PCDHGA1: variants seen among roughly 807,000 people sequenced by gnomAD.
PCDHGA1 encodes protocadherin gamma-A1.
A neutral mutation model predicts 58.0 loss-of-function variants in PCDHGA1; 32 were observed. The observed-to-expected ratio is 0.55, with a 90% confidence interval of 0.42 to 0.74. PCDHGA1 has a LOEUF of 0.74. PCDHGA1 is among the 30% of genes least tolerant of loss of function. The pLI, the probability that PCDHGA1 is intolerant of heterozygous loss-of-function variation, is 0.00. For missense variants in PCDHGA1, 1,205 were observed against 1,182.3 expected (o/e 1.02, Z -0.28); for synonymous variants, 498 against 501.1 (o/e 0.99, Z 0.08).
chr5:141,359,651 G>A (rs1761279530), intron 1 of PCDHGA1, among the ~76,000 whole-genome samples: 1 of 152,024 alleles, frequency 6.6e-6, no homozygotes, highest in Non-Finnish European at 1.5e-5. Flanking sequence ...GAAGGAGACA[G>A]AATATTTATA....
At position 141,331,377 on chromosome 5, in the gene PCDHGA1, G is replaced by T; in HGVS notation, c.693G>T (p.Gln231His). 6.2e-7 allele frequency: 1 copy of T among 1,614,152 alleles called. No homozygotes were observed. Among genetic ancestry groups the T allele is most frequent in the African/African-American group, 1.3e-5 (1 of 75,024 alleles). Reference sequence around the variant, plus strand: ...CAGGGACCCTCAGAATTTACATTCAGGTGGTGGATGCAAATGACAATCCTC... The same window carrying T: ...CAGGGACCCTCAGAATTTACATTCATGTGGTGGATGCAAATGACAATCCTC... ...VRSGTLRIYIQVVDANDNPPA... is the reference protein window; with the variant it reads ...VRSGTLRIYIHVVDANDNPPA... Residue 231 changes from glutamine (Q) to histidine (H), a missense_variant, in exon 1 of 4, where the codon CAG becomes CAT. Transcript: ENST00000517417.
rs140609729 is a variant in PCDHGA1 at position 141,372,233 on chromosome 5, G to A, written c.2421+39128G>A. On this transcript the variant is annotated intron_variant, in intron 1 of 3. Coordinates refer to ENST00000517417, the MANE Select transcript of PCDHGA1 (RefSeq NM_018912.3). ...CCTACCACATTGTGCAGGCCAGCGA[G>A]CCCGGGCTGTTCAGCCTGGGCCTGC... 2,947 of 1,613,368 alleles carry A rather than the reference G, an allele frequency of 1.8e-3. 7 individuals carry two copies. The highest frequency in any genetic ancestry group is 2.3e-3 in the Non-Finnish European group (2,745 of 1,179,836).
At position 141,511,112 on chromosome 5, in the gene PCDHGA1, G is replaced by A. The variant is rs767257788; in HGVS notation, c.2735G>A (p.Gly912Asp). The change falls in exon 4 of 4, where the codon GGC (glycine) becomes GAC (aspartate). Residue 912 changes from glycine (G) to aspartate (D), a missense_variant. Transcript: ENST00000517417. ...ACCAACGCAGCTGGCAAGCGGGATGGCAAGGCCCCAGCAGGTGGCAATGGC... is the reference window on the plus strand; with the variant it reads ...ACCAACGCAGCTGGCAAGCGGGATGACAAGGCCCCAGCAGGTGGCAATGGC... The part of the protein sequence containing the change: ...TLTNAAGKRD[G>D]KAPAGGNGNK... 1 of 1,614,232 alleles carries A rather than the reference G, an allele frequency of 6.2e-7. No individual in the cohort carries two copies.
At chr5:141,364,743 T>C in intron 1 of PCDHGA1, 1 of 1,613,916 alleles carries the variant, frequency 6.2e-7, no homozygotes, top group Non-Finnish European at 8.5e-7. Flanking sequence ...GATGAAGAGT[T>C]AAAAGTAAAA....
chr5:141,452,968 A>G (rs1028716079), intron 1 of PCDHGA1, among the ~76,000 whole-genome samples: 3 of 152,210 alleles, frequency 2.0e-5, no homozygotes, highest in Non-Finnish European at 4.4e-5. Flanking sequence ...AACTGAGGGT[A>G]TATTGTCAAA....
At position 141,491,942 on chromosome 5, in the gene PCDHGA1, C is replaced by T. The variant is rs932715298; in HGVS notation, c.2422-2865C>T. 6.4e-5 allele frequency: 72 copies of T among 1,122,376 alleles called. No individual in the cohort carries two copies. Among genetic ancestry groups the T allele is most frequent in the Admixed American group, 3.5e-5 (1 of 28,738 alleles). 69.5% of individuals were successfully genotyped at this position (1,122,376 alleles called of 1,614,324 possible). A position where few individuals can be genotyped will look rare whatever the true frequency, so the allele number is the denominator to read the frequency against. ...GGCGAGGGGAGGTGGGACCGACCCC[C>T]ACCCCTACACTCAAAAAAGGCCGGG... is the stretch of plus-strand genomic sequence containing the variant. On this transcript the variant is annotated intron_variant, in intron 1 of 3. Transcript: ENST00000517417. The surrounding 1 kb of genome is among the most constrained non-coding windows in gnomAD (Gnocchi z 6.9).
intron 1 of PCDHGA1, chr5:141,468,682 C>A (rs377685711): frequency 4.6e-5 from 7 of 151,296 alleles, no homozygotes; most frequent in African/African-American, 1.7e-4. Context: ...CTGGCTAACA[C>A]GGTGAAACCC....
chr5:141,338,537 G>A (rs1756760838), intron 1 of PCDHGA1, among the ~76,000 whole-genome samples: 1 of 152,196 alleles, frequency 6.6e-6, no homozygotes, highest in Non-Finnish European at 1.5e-5. Context: ...TCAAGATCAT[G>A]TTCATTTATA....
At chr5:141,417,832 G>C in intron 1 of PCDHGA1, 1 of 1,528,846 alleles carries the variant, frequency 6.5e-7, no homozygotes. Flanking sequence ...CTGGAAAAGC[G>C]GGGACCCAGC....
chr5:141,419,012 A>C (rs1422133011), intron 1 of PCDHGA1: 1 of 1,613,986 alleles, frequency 6.2e-7, no homozygotes. Context: ...AGTCAGGTGT[A>C]GCTTAAGTAG....
intron 1 of PCDHGA1, chr5:141,357,093 C>T: frequency 1.2e-6 from 2 of 1,613,876 alleles, no homozygotes; most frequent in Non-Finnish European, 8.5e-7. Flanking sequence ...CCGCACGGGC[C>T]CTGCTGGACA....
chr5:141,388,936 C>A, intron 1 of PCDHGA1: 4 of 1,613,926 alleles, frequency 2.5e-6, no homozygotes, highest in Non-Finnish European at 3.4e-6. Context: ...CAGTCTCTAC[C>A]CAACCTAATT....
chr5:141,356,954 G>A, intron 1 of PCDHGA1: 1 of 1,614,216 alleles, frequency 6.2e-7, no homozygotes, highest in Non-Finnish European at 8.5e-7. Flanking sequence ...GCAGATTCCG[G>A]CTACCTGGTG....
chr5:141,339,357 A>G (rs758863582), intron 1 of PCDHGA1: 4 of 1,614,140 alleles, frequency 2.5e-6, no homozygotes, highest in Non-Finnish European at 3.4e-6. Flanking sequence ...ATTAACGATA[A>G]TGCCCCTCGC....
In PCDHGA1 at chr5:141,491,867, T is replaced by A. The variant is rs1424221139; in HGVS notation, c.2422-2940T>A. On this transcript the variant is annotated intron_variant, in intron 1 of 3. Transcript: ENST00000517417. The surrounding 1 kb of genome is among the most constrained non-coding windows in gnomAD (Gnocchi z 6.9). ...TTGGACCGTTTGCGCGAAACCAGAG[T>A]GGCCGATTAAGGGATGGGGCTCCGA... 6.9e-7 allele frequency: 1 copy of A among 1,452,218 alleles called. No homozygotes were observed. The highest frequency in any genetic ancestry group is 9.1e-7 in the Non-Finnish European group (1 of 1,099,056). The allele number at this position is 1,452,218 out of a possible 1,614,324, so 90.0% of individuals were successfully genotyped here. A position where few individuals can be genotyped will look rare whatever the true frequency, so the allele number is the denominator to read the frequency against.
At chr5:141,360,409 C>A (rs890064560) in intron 1 of PCDHGA1, 2 of 1,613,722 alleles carry the variant, frequency 1.2e-6, no homozygotes, top group Non-Finnish European at 1.7e-6. Context: ...CAGAATAGAC[C>A]GAGAACAGAT....
At position 141,332,834 on chromosome 5, in the gene PCDHGA1, G is replaced by C. The variant is rs777400820; in HGVS notation, c.2150G>C (p.Arg717Pro). ...FVIVLLAHRL[R>P]RWHKSRLLQA... ...ATCGTGCTGCTGGCGCACAGGCTGC[G>C]GCGCTGGCACAAGTCACGTCTGCTA... The change falls in exon 1 of 4, where the codon CGG (arginine) becomes CCG (proline). Residue 717 changes from arginine (R) to proline (P), a missense_variant. Transcript: ENST00000517417. The surrounding 1 kb of genome is among the most constrained non-coding windows in gnomAD (Gnocchi z 4.6). 2.5e-6 allele frequency: 4 copies of C among 1,614,224 alleles called. No homozygotes were observed. Among genetic ancestry groups the C allele is most frequent in the Non-Finnish European group, 3.4e-6 (4 of 1,180,052 alleles).
intron 1 of PCDHGA1, chr5:141,413,265 T>A (rs1301684620): frequency 6.2e-7 from 1 of 1,613,840 alleles, no homozygotes; most frequent in African/African-American, 1.3e-5. Context: ...CATGGGAGGC[T>A]GGAGCCCGGC....
chr5:141,413,842 G>C, intron 1 of PCDHGA1: 1 of 1,613,294 alleles, frequency 6.2e-7, no homozygotes, highest in Non-Finnish European at 8.5e-7. Flanking sequence ...CGACGGGGGT[G>C]ACCCTCTCCG....
Sources: allele counts gnomAD v4.1 joint callset (sites outside exome capture counted in the v4.1 genomes callset), GRCh38; gene constraint gnomAD v4.1.1; non-coding constraint Gnocchi (gnomAD v3.1); transcripts MANE v1.5; gene names NCBI Gene and HGNC (gene_info 2026-07-23, HGNC 2026-07-21).